Variants in CCDC110 observed in about 807,000 individuals in gnomAD.
CCDC110 encodes coiled-coil domain containing 110.
A neutral mutation model predicts 77.1 loss-of-function variants in CCDC110; 70 were observed. The ratio of observed to expected loss-of-function variants is 0.91; its 90% confidence interval spans 0.75 to 1.11. The LOEUF is 1.11. Ranked by LOEUF, CCDC110 falls within the 50% of genes least tolerant of loss-of-function variation. The pLI, the probability that CCDC110 is intolerant of heterozygous loss-of-function variation, is 0.00. For synonymous variants in CCDC110, 295 were observed against 312.5 expected (o/e 0.94, Z 0.59); for missense variants, 868 against 942.9 (o/e 0.92, Z 1.04).
chr4:185,462,869 G>A (rs2095648895), intron 3 of CCDC110, 125 bp downstream of exon 3: 1 of 1,031,952 alleles, frequency 9.7e-7, no homozygotes, highest in Non-Finnish European at 1.5e-6. Context: ...TCCCCAATGT[G>A]CTTTCATGGA....
chr4:185,470,090 T>C (rs1270166443), intron 2 of CCDC110, among the ~76,000 whole-genome samples: 3 of 152,232 alleles, frequency 2.0e-5, no homozygotes, highest in Non-Finnish European at 4.4e-5. Context: ...CCCCATCTTA[T>C]TCATAATTTA....
In CCDC110 at chr4:185,463,045, A is replaced by G. The variant is rs181249234; in HGVS notation, c.120T>C (p.Tyr40=). ...VKESGCSDTE[Y]GCIAESENQI... is the part of the protein sequence containing the mutation. ...GATTTTCTGATTCTGCTATGCAGCC[A>G]TATTCTAAGAAGCAAAATTGAAAAA... Residue 40 remains tyrosine, a synonymous_variant, in exon 3 of 7, where the codon TAT becomes TAC. Coordinates refer to ENST00000307588, the MANE Select transcript of CCDC110 (RefSeq NM_152775.4). 6.2e-7 allele frequency: 1 copy of G among 1,612,258 alleles called. No homozygotes were observed. Among genetic ancestry groups the G allele is most frequent in the East Asian group, 2.2e-5 (1 of 44,860 alleles).
At position 185,447,393 on chromosome 4, in the gene CCDC110, G is replaced by C. The variant is rs186519663; in HGVS notation, c.2462-1851C>G. ...GACGGGGTTTCACTGTGTTAGCCAG[G>C]ATGGACTTGATCTCCTGACCTCGTG... On this transcript the variant is annotated intron_variant, in intron 6 of 6. Coordinates refer to ENST00000307588, the MANE Select transcript of CCDC110 (RefSeq NM_152775.4). 1.7e-3 allele frequency among the ~76,000 whole-genome samples: 257 copies of C among 152,054 alleles called. 2 individuals are homozygous for C. Among genetic ancestry groups the C allele is most frequent in the African/African-American group, 5.8e-3 (242 of 41,474 alleles).
intron 2 of CCDC110, among the ~76,000 whole-genome samples, chr4:185,469,967 C>A (rs952628268): frequency 6.6e-6 from 1 of 152,188 alleles, no homozygotes; most frequent in East Asian, 1.9e-4. Flanking sequence ...TCTCCTGCCC[C>A]GTGCTCTGCT....
intron 5 of CCDC110, 84 bp downstream of exon 5, chr4:185,460,965 A>C (rs1460112697): frequency 2.7e-6 from 1 of 376,096 alleles, no homozygotes; most frequent in African/African-American, 2.7e-5. Flanking sequence ...TGTAACAAAG[A>C]GGACCATGTA....
chr4:185,462,398 T>C (rs192096683), intron 4 of CCDC110, among the ~76,000 whole-genome samples: 2 of 152,362 alleles, frequency 1.3e-5, no homozygotes, highest in Admixed American at 1.3e-4. Flanking sequence ...GTAGTCTATA[T>C]ATAGACTTTA....
At chr4:185,462,741 T>C in intron 3 of CCDC110, 33 bp from the exon 4 acceptor site, 3 of 1,548,510 alleles carry the variant, frequency 1.9e-6, no homozygotes, top group Non-Finnish European at 2.7e-6. Context: ...AATTGAGTAT[T>C]TTTAGGTAGG....
At chr4:185,465,259 T>C (rs1042759213) in intron 2 of CCDC110, among the ~76,000 whole-genome samples, 2 of 152,208 alleles carry the variant, frequency 1.3e-5, no homozygotes, top group African/African-American at 4.8e-5. Flanking sequence ...TCTGTACAGA[T>C]TTCCTTTCAT....
intron 2 of CCDC110, among the ~76,000 whole-genome samples, chr4:185,466,752 T>G (rs766062424): frequency 2.3e-4 from 35 of 152,102 alleles, no homozygotes; most frequent in Admixed American, 3.9e-4. Context: ...GGAATTTTTT[T>G]TTTTTTAAAC....
chr4:185,471,261 G>A (rs1187634376), intron 1 of CCDC110, among the ~76,000 whole-genome samples: 2 of 128,528 alleles, frequency 1.6e-5, no homozygotes, highest in South Asian at 5.5e-4. Flanking sequence ...GGGTTTGAAG[G>A]CTGGGGCGGG....
chr4:185,464,626 C>T (rs552199659), intron 2 of CCDC110, among the ~76,000 whole-genome samples: 18 of 152,248 alleles, frequency 1.2e-4, no homozygotes, highest in African/African-American at 2.4e-4. Context: ...AAGTGCAAAT[C>T]GGGAAGAATA....
rs113136065 is a variant in CCDC110 at position 185,459,239 on chromosome 4, T to C, written c.1348A>G (p.Ser450Gly). The C allele has an allele frequency of 6.2e-7, 1 of 1,606,996 alleles. No homozygotes were observed. The highest frequency in any genetic ancestry group is 2.2e-5 in the East Asian group (1 of 44,784). Reference sequence around the variant, plus strand: ...TTGGACTTAAGGTTTAGATTTTCACTCTCCAGTTCCATTACTTTTTTCTGT... The same window carrying C: ...TTGGACTTAAGGTTTAGATTTTCACCCTCCAGTTCCATTACTTTTTTCTGT... Reference protein sequence around the residue: ...QIQKKVMELESENLNLKSKMK... With the variant: ...QIQKKVMELEGENLNLKSKMK... Residue 450 changes from serine (S) to glycine (G), a missense_variant, in exon 6 of 7, where the codon AGT becomes GGT. Ser to Gly is a moderately conservative substitution (Grantham distance 56, BLOSUM62 0). Coordinates refer to ENST00000307588, the MANE Select transcript of CCDC110 (RefSeq NM_152775.4).
chr4:185,450,434 C>T (rs1313736537), intron 6 of CCDC110, among the ~76,000 whole-genome samples: 5 of 152,176 alleles, frequency 3.3e-5, no homozygotes, highest in African/African-American at 9.7e-5. Flanking sequence ...TTCTCCTTCA[C>T]CTGCCCTATC....
intron 2 of CCDC110, among the ~76,000 whole-genome samples, chr4:185,464,891 A>G (rs2095652740): frequency 6.6e-6 from 1 of 152,232 alleles, no homozygotes; most frequent in Non-Finnish European, 1.5e-5. Flanking sequence ...CTGTAAACTA[A>G]TGAAAATTAA....
At chr4:185,463,399 T>C (rs2095649967) in intron 2 of CCDC110, among the ~76,000 whole-genome samples, 1 of 152,188 alleles carries the variant, frequency 6.6e-6, no homozygotes, top group African/African-American at 2.4e-5. Context: ...CTTGGCAAAG[T>C]AGTATACAGG....
In CCDC110 at chr4:185,459,208, T is replaced by C. The variant is rs2095641434; in HGVS notation, c.1379A>G (p.Lys460Arg). ...AGATTGTGTGGTAAAGATAAGAGGT[T>C]TCATTTTGGACTTAAGGTTTAGATT... is the stretch of plus-strand genomic sequence containing the variant. ...SENLNLKSKMKPLIFTTQSLI... is the reference protein window; with the variant it reads ...SENLNLKSKMRPLIFTTQSLI... Residue 460 changes from lysine (K) to arginine (R), a missense_variant, in exon 6 of 7, where the codon AAA (lysine) becomes AGA (arginine). Transcript: ENST00000307588. The C allele has an allele frequency of 6.2e-7, 1 of 1,603,650 alleles. No homozygotes were observed. The highest frequency in any genetic ancestry group is 1.1e-5 in the South Asian group (1 of 88,116).
intron 3 of CCDC110, 106 bp downstream of exon 3, chr4:185,462,888 T>G: frequency 4.6e-6 from 5 of 1,084,676 alleles, no homozygotes; most frequent in Non-Finnish European, 7.1e-6. Context: ...GAGATCCTTG[T>G]GAGGATAAAG....
chr4:185,471,506 C>A (rs1343435083), intron 1 of CCDC110, 168 bp downstream of exon 1: 2 of 667,260 alleles, frequency 3.0e-6, no homozygotes, highest in African/African-American at 1.9e-5. Flanking sequence ...ACGCAGGGGG[C>A]CGCAGCGGGT....
rs2095639331 is a variant in CCDC110 at position 185,458,332 on chromosome 4, C to T, written c.2255G>A (p.Ser752Asn). 1 of 1,587,188 alleles carries T rather than the reference C, an allele frequency of 6.3e-7. No homozygotes were observed. The highest frequency in any genetic ancestry group is 8.5e-7 in the Non-Finnish European group (1 of 1,172,418). The change falls in exon 6 of 7, where the codon AGC becomes AAC. Residue 752 changes from serine to asparagine, a missense_variant. Transcript: ENST00000307588. ...CAAGGTATCCCTTTCATTTTCTATG[C>T]TTCTTACGTAATTTTCTAAAAGTAT... ...DKILLENYVR[S>N]IENERDTLEF...
Sources: allele counts gnomAD v4.1 joint callset (sites outside exome capture counted in the v4.1 genomes callset), GRCh38; gene constraint gnomAD v4.1.1; transcripts MANE v1.5; gene names NCBI Gene and HGNC (gene_info 2026-07-23, HGNC 2026-07-21).